PSTPIP1: variants seen among roughly 807,000 people sequenced by gnomAD.
PSTPIP1 encodes the protein proline-serine-threonine phosphatase-interacting protein 1.
PSTPIP1 carries 66 observed loss-of-function variants against 69.6 expected under a neutral mutation model. That is an observed-to-expected ratio of 0.95 (90% CI 0.78 to 1.16). The LOEUF (loss-of-function observed/expected upper bound fraction) is 1.16. PSTPIP1 is among the 50% of genes most tolerant of loss of function. PSTPIP1 has a pLI of 0.00. For missense variants in PSTPIP1, 603 were observed against 557.4 expected (o/e 1.08, Z -0.82); for synonymous variants, 266 against 222.7 (o/e 1.19, Z -1.73).
rs1338203882 is a variant in PSTPIP1 at position 77,037,049 on chromosome 15, C to T, written c.1124C>T (p.Pro375Leu). The T allele has an allele frequency of 3.7e-6, 6 of 1,612,056 alleles. No individual in the cohort carries two copies. The highest frequency in any genetic ancestry group is 1.7e-5 in the Admixed American group (1 of 59,980). ...CGCTTTCAATCTCTTGGCCAGAACCCAGATGAGCTGGACCTGTCCGCGGGA... is the reference window on the plus strand; with the variant it reads ...CGCTTTCAATCTCTTGGCCAGAACCTAGATGAGCTGGACCTGTCCGCGGGA... ...RALYDYTAQN[P>L]DELDLSAGDI... is the part of the protein sequence containing the mutation. Residue 375 changes from proline to leucine, a missense_variant, in exon 15 of 15, where the codon CCA becomes CTA. Coordinates refer to ENST00000558012, the MANE Select transcript of PSTPIP1 (RefSeq NM_003978.5).
Position 77,018,478 on chromosome 15 carries a change from C to A in PSTPIP1, c.159C>A (p.Tyr53Ter). ...LRQRAQAEER[Y>*]GKELVQIARK... Reference sequence around the variant, plus strand: ...GCAGGGCCCAGGCGGAGGAGCGGTACGGGAAGGAGCTGGTGCAGATCGCAC... The same window carrying A: ...GCAGGGCCCAGGCGGAGGAGCGGTAAGGGAAGGAGCTGGTGCAGATCGCAC... The change falls in exon 3 of 15, where the codon TAC becomes TAA. Residue 53 changes from tyrosine (Y) to a stop codon, truncating the protein, a stop_gained. Coordinates refer to ENST00000558012, the MANE Select transcript of PSTPIP1 (RefSeq NM_003978.5). LOFTEE classifies it high-confidence loss of function. The A allele has an allele frequency of 1.3e-6, 2 of 1,584,422 alleles. No individual in the cohort carries two copies. Among genetic ancestry groups the A allele is most frequent in the Non-Finnish European group, 1.7e-6 (2 of 1,165,434 alleles).
chr15:77,019,754 C>T (rs1039808643), intron 3 of PSTPIP1, among the ~76,000 whole-genome samples: 8 of 152,114 alleles, frequency 5.3e-5, no homozygotes, highest in East Asian at 3.9e-4. Flanking sequence ...GGCTGAGGGC[C>T]GGGTGCAGGC....
At chr15:77,012,364 CCCACCCACCTAT>C (rs2075961735) in intron 1 of PSTPIP1, among the ~76,000 whole-genome samples, 1 of 138,356 alleles carries the variant, frequency 7.2e-6, no homozygotes, top group Non-Finnish European at 1.6e-5. Context: ...CACCCATCCA[CCCACCCACCTAT>C]CCACCCATCC....
rs1369595891 is a variant in PSTPIP1, at chr15:77,027,113, T to A, written c.355-739T>A. Among the ~76,000 whole-genome samples the A allele has an allele frequency of 6.6e-6, 1 of 152,194 alleles. No individual in the cohort carries two copies. The highest frequency in any genetic ancestry group is 1.9e-4 in the East Asian group (1 of 5,190). ...GTCCAGCCCTGTGCACTTGGGTGTT[T>A]TGTGCTGTGTGTGTGTGAGTGCCTG... On this transcript the variant is annotated intron_variant, in intron 5 of 14. Coordinates refer to ENST00000558012, the MANE Select transcript of PSTPIP1 (RefSeq NM_003978.5). This position sits in a 1 kb window ranked among gnomAD's most constrained non-coding sequence, Gnocchi z 4.3.
chr15:77,027,846 C>T lies in PSTPIP1; in HGVS notation c.355-6C>T. 1 of 1,564,212 alleles carries T rather than the reference C, an allele frequency of 6.4e-7. No individual in the cohort carries two copies. The highest frequency in any genetic ancestry group is 8.7e-7 in the Non-Finnish European group (1 of 1,155,164). On this transcript the variant is annotated splice_polypyrimidine_tract_variant and splice_region_variant and intron_variant, in intron 5 of 14. Transcript: ENST00000558012. The surrounding 1 kb of genome is among the most constrained non-coding windows in gnomAD (Gnocchi z 4.3). Reference sequence around the variant, plus strand: ...CCCTCGGCTCAGAACCTCGTGTCCCCTGCAGTATGAGGCCGTCATGGACCG... The same window carrying T: ...CCCTCGGCTCAGAACCTCGTGTCCCTTGCAGTATGAGGCCGTCATGGACCG...
At chr15:77,019,355 C>A (rs1031802766) in intron 3 of PSTPIP1, among the ~76,000 whole-genome samples, 2 of 152,332 alleles carry the variant, frequency 1.3e-5, no homozygotes, top group South Asian at 4.1e-4. Flanking sequence ...GTCCTCCTGC[C>A]GAGGGGCCCT....
Position 77,034,191 on chromosome 15 carries a change from A to G in PSTPIP1, c.929+1239A>G, listed in dbSNP as rs1420902324. The stretch of plus-strand genomic sequence containing the variant: ...AGTCAGAAGTGTAGACAGTCTGGGG[A>G]AAAGAGGTGTGGGGGCACGCAGCAC... On this transcript the variant is annotated intron_variant, in intron 12 of 14. Coordinates refer to ENST00000558012, the MANE Select transcript of PSTPIP1 (RefSeq NM_003978.5). Among the ~76,000 whole-genome samples the G allele has an allele frequency of 4.4e-4, 4 of 9,100 alleles. No individual in the cohort carries two copies. The East Asian group carries it at 0.015, about 34-fold the overall frequency. The allele number at this position is 9,100 out of a possible 152,430, so 6.0% of individuals were successfully genotyped here. A position where few individuals can be genotyped will look rare whatever the true frequency, so the allele number is the denominator to read the frequency against.
intron 1 of PSTPIP1, among the ~76,000 whole-genome samples, chr15:76,997,003 A>C (rs972207160): frequency 2.0e-5 from 3 of 152,186 alleles, no homozygotes; most frequent in Non-Finnish European, 1.5e-5. Context: ...TTTATCACTG[A>C]GACCTCTGTC....
At chr15:77,020,879 G>GTGT (rs1491109178) in intron 3 of PSTPIP1, among the ~76,000 whole-genome samples, 1 of 128,264 alleles carries the variant, frequency 7.8e-6, no homozygotes, top group African/African-American at 2.9e-5. Flanking sequence ...GGGGGGGGGG[G>GTGT]GTGTGTGTGT....
chr15:77,032,787 G>A (rs1278168347), intron 11 of PSTPIP1, 75 bp from the exon 12 acceptor site: 2 of 1,310,018 alleles, frequency 1.5e-6, no homozygotes, highest in South Asian at 1.4e-5. Context: ...GGGAATGTAG[G>A]GCCCCAGCTG....
At chr15:77,029,961 G>A (rs960133578) in intron 8 of PSTPIP1, among the ~76,000 whole-genome samples, 8 of 152,080 alleles carry the variant, frequency 5.3e-5, no homozygotes, top group African/African-American at 1.9e-4. Context: ...TTCACTTGAT[G>A]CCCGAATCCT....
At position 77,032,878 on chromosome 15, in the gene PSTPIP1, G is replaced by A. The variant is rs2076455888; in HGVS notation, c.855G>A (p.Gln285=). 6.3e-7 allele frequency: 1 copy of A among 1,595,774 alleles called. No individual in the cohort carries two copies. Among genetic ancestry groups the A allele is most frequent in the South Asian group, 1.1e-5 (1 of 88,248 alleles). Residue 285 remains glutamine, a synonymous_variant, in exon 12 of 15, where the codon CAG becomes CAA. Coordinates refer to ENST00000558012, the MANE Select transcript of PSTPIP1 (RefSeq NM_003978.5). The stretch of plus-strand genomic sequence containing the variant: ...TGTCTGCAGCTCCGGTGCCCTACCA[G>A]AACTATTACGATCGGGAGGTCACCC... The part of the protein sequence containing the change: ...GTEPPAPVPY[Q]NYYDREVTPL...
Position 77,027,477 on chromosome 15 carries a change from C to T in PSTPIP1, c.355-375C>T, listed in dbSNP as rs916554664. On this transcript the variant is annotated intron_variant, in intron 5 of 14. Transcript: ENST00000558012. This position sits in a 1 kb window ranked among gnomAD's most constrained non-coding sequence, Gnocchi z 4.3. ...TGTGTGCCTCCGAGTTAATGTGGAA[C>T]TCTGCATGTATGTGTGTGCCAGAGT... 6.6e-6 allele frequency among the ~76,000 whole-genome samples: 1 copy of T among 152,184 alleles called. No homozygotes were observed. Among genetic ancestry groups the T allele is most frequent in the Non-Finnish European group, 1.5e-5 (1 of 68,026 alleles).
At position 77,025,548 on chromosome 15, in the gene PSTPIP1, G is replaced by A; in HGVS notation, c.298G>A (p.Glu100Lys). Residue 100 changes from glutamate to lysine, a missense_variant, in exon 5 of 15, where the codon GAG becomes AAG. Physicochemically the swap from Glu to Lys is moderately conservative, Grantham distance 56. Coordinates refer to ENST00000558012, the MANE Select transcript of PSTPIP1 (RefSeq NM_003978.5). ...SHIQLALTLR[E>K]ELRSLEEFRE... Reference sequence around the variant, plus strand: ...CATCCAGCTGGCCCTGACCCTGCGTGAGGAGCTGCGGAGTCTCGAGGAGTT... The same window carrying A: ...CATCCAGCTGGCCCTGACCCTGCGTAAGGAGCTGCGGAGTCTCGAGGAGTT... The A allele has an allele frequency of 6.4e-7, 1 of 1,555,094 alleles. No individual in the cohort carries two copies. The highest frequency in any genetic ancestry group is 8.7e-7 in the Non-Finnish European group (1 of 1,149,074).
At chr15:77,026,341 GCACAGGGTGGCAGGGCAGCA>G (rs751854381) in intron 5 of PSTPIP1, among the ~76,000 whole-genome samples, 8 of 152,192 alleles carry the variant, frequency 5.3e-5, no homozygotes, top group Non-Finnish European at 1.2e-4. Context: ...GTGGTGCCCT[GCACAGGGTGGCAGGGCAGCA>G]CACAGATCCG....
rs891326441 is a variant in PSTPIP1 at position 76,995,176 on chromosome 15, C to T, written c.-398C>T. The T allele has an allele frequency of 1.3e-5, 12 of 933,418 alleles. No homozygotes were observed. Among genetic ancestry groups the T allele is most frequent in the Admixed American group, 4.3e-5 (1 of 23,468 alleles). The allele number at this position is 933,418 out of a possible 1,614,324, so 57.8% of individuals were successfully genotyped here. A position where few individuals can be genotyped will look rare whatever the true frequency, so the allele number is the denominator to read the frequency against. ...TGCCTGCCTGCCTGCCTGCCTGGCC[C>T]GGCCCGAGCTCCAGCCTGCCTCTTC... On this transcript the variant is annotated 5_prime_UTR_variant, in exon 1 of 15. Coordinates refer to ENST00000558012, the MANE Select transcript of PSTPIP1 (RefSeq NM_003978.5).
At position 77,037,362 on chromosome 15, in the gene PSTPIP1, T is replaced by A. The variant is rs2076607012; in HGVS notation, c.*186T>A. 3 of 734,552 alleles carry A rather than the reference T, an allele frequency of 4.1e-6. No individual in the cohort carries two copies. The Admixed American group carries it at 9.4e-5, about 23-fold the overall frequency. The allele number at this position is 734,552 out of a possible 1,614,324, so 45.5% of individuals were successfully genotyped here. On this transcript the variant is annotated 3_prime_UTR_variant, in exon 15 of 15. Transcript: ENST00000558012. ...GTGTGCTGGGGTCCCGTTCTCTTTT[T>A]CTCCTGCTCCAGTGTCCGAGTGCTC...
intron 7 of PSTPIP1, 29 bp from the exon 8 acceptor site, chr15:77,029,500 T>G: frequency 6.4e-7 from 1 of 1,563,236 alleles, no homozygotes; most frequent in East Asian, 2.4e-5. Flanking sequence ...GGGCAGGGGC[T>G]TAGCGCTGCT....
Position 77,021,476 on chromosome 15 carries a change from C to T in PSTPIP1, c.212+2945C>T, listed in dbSNP as rs182248599. ...GGAGGCTGACCTGAGGTCAGGAGTT[C>T]GAGACCAGCCTGGCCAACATGGTGA... On this transcript the variant is annotated intron_variant, in intron 3 of 14. Coordinates refer to ENST00000558012, the MANE Select transcript of PSTPIP1 (RefSeq NM_003978.5). 1.5e-3 allele frequency among the ~76,000 whole-genome samples: 233 copies of T among 152,162 alleles called. 1 individual carries two copies. The highest frequency in any genetic ancestry group is 3.7e-4 in the Non-Finnish European group (25 of 68,012).
Sources: gnomAD v4.1 joint callset for allele counts (sites outside exome capture counted in the v4.1 genomes callset) on GRCh38, gnomAD v4.1.1 for gene constraint, Gnocchi (gnomAD v3.1) non-coding constraint, MANE v1.5 for transcripts, NCBI Gene and HGNC (gene_info 2026-07-23, HGNC 2026-07-21) for gene names.